TTC28: variants seen among roughly 807,000 people sequenced by gnomAD.
The protein encoded by TTC28 is tetratricopeptide repeat protein 28.
Under a neutral mutation model 198.0 loss-of-function variants are expected in TTC28, and 61 were observed. That is an observed-to-expected ratio of 0.31 (90% confidence interval 0.25 to 0.38). The LOEUF is 0.38. Ranked by LOEUF, TTC28 falls within the 10% of genes least tolerant of loss-of-function variation. The probability of loss-of-function intolerance (pLI) is 1.00; values close to 1 mark genes in which losing one functional copy is unlikely to be tolerated. For missense variants in TTC28, 2,678 were observed against 3,164.0 expected (o/e 0.85, Z 3.69); for synonymous variants, 1,171 against 1,297.8 (o/e 0.90, Z 2.10).
chr22:28,276,331 G>T (rs961078865), intron 5 of TTC28, among the ~76,000 whole-genome samples: 1 of 151,972 alleles, frequency 6.6e-6, no homozygotes, highest in African/African-American at 2.4e-5. Flanking sequence ...TTTATTATAG[G>T]AACCCTTCTT....
Position 28,108,142 on chromosome 22 carries a change from C to T in TTC28, c.1703G>A (p.Gly568Asp). Residue 568 changes from glycine (G) to aspartate (D), a missense_variant, in exon 7 of 23, where the codon GGT becomes GAT. Physicochemically the swap from Gly to Asp is moderately conservative, Grantham distance 94 (BLOSUM62 -1). Around this residue, in one of 8 missense-constraint regions of TTC28, gnomAD observed 775 missense variants for 845.9 expected, o/e 0.92. Coordinates refer to ENST00000397906, the MANE Select transcript of TTC28 (RefSeq NM_001145418.2). ...GNLAVAYQAL[G>D]AHDRALQHYQ... ...GTGTTGCAGGGCCCGGTCATGGGCA[C>T]CCAGGGCCTGGTAGGCCACGGCAAG... 3.2e-6 allele frequency: 5 copies of T among 1,551,698 alleles called. No individual in the cohort carries two copies. The African/African-American group carries it at 4.1e-5, about 13-fold the overall frequency.
chr22:28,676,920 CG>C (rs1191647454), intron 1 of TTC28, among the ~76,000 whole-genome samples: 5 of 151,062 alleles, frequency 3.3e-5, no homozygotes, highest in African/African-American at 1.2e-4. Flanking sequence ...CTTGGGAGCC[CG>C]AGGAGGGTGG....
intron 2 of TTC28, among the ~76,000 whole-genome samples, chr22:28,433,551 G>A (rs2047467377): frequency 1.3e-5 from 2 of 152,016 alleles, no homozygotes; most frequent in Non-Finnish European, 2.9e-5. Flanking sequence ...AAAAGCCTAG[G>A]CTAAAACAAG....
intron 2 of TTC28, among the ~76,000 whole-genome samples, chr22:28,572,498 AAT>A (rs1187495470): frequency 6.6e-6 from 1 of 152,230 alleles, no homozygotes; most frequent in Non-Finnish European, 1.5e-5. Context: ...AAAGTAGATG[AAT>A]ATTAAACATG....
intron 12 of TTC28, among the ~76,000 whole-genome samples, chr22:28,060,986 T>C (rs1364801312): frequency 6.6e-6 from 1 of 152,230 alleles, no homozygotes; most frequent in Non-Finnish European, 1.5e-5. Context: ...ATGAGCATTT[T>C]TTCATGTGTC....
chr22:28,397,635 T>C (rs2046838458), intron 2 of TTC28, among the ~76,000 whole-genome samples: 1 of 152,362 alleles, frequency 6.6e-6, no homozygotes, highest in African/African-American at 2.4e-5. Context: ...GATTTGTTAG[T>C]GCTGTTTTGA....
intron 1 of TTC28, among the ~76,000 whole-genome samples, chr22:28,653,268 C>T (rs1315740997): frequency 6.6e-6 from 1 of 152,114 alleles, no homozygotes; most frequent in Non-Finnish European, 1.5e-5. Context: ...CTTTGGGAGG[C>T]CAAGGCAGGT....
chr22:28,395,352 A>C (rs1280613407), intron 2 of TTC28, among the ~76,000 whole-genome samples: 1 of 151,990 alleles, frequency 6.6e-6, no homozygotes, highest in Non-Finnish European at 1.5e-5. Flanking sequence ...CAGGGAGACA[A>C]GTGTGGTACT....
intron 12 of TTC28, among the ~76,000 whole-genome samples, chr22:28,088,898 A>C (rs1941717209): frequency 6.6e-6 from 1 of 152,264 alleles, no homozygotes; most frequent in South Asian, 2.1e-4. Flanking sequence ...ATGCAGCCAA[A>C]ACACACGTGA....
At chr22:28,110,996 G>A (rs1334361808) in intron 6 of TTC28, among the ~76,000 whole-genome samples, 1 of 151,520 alleles carries the variant, frequency 6.6e-6, no homozygotes, top group Non-Finnish European at 1.5e-5. Context: ...TATATTAAGG[G>A]GATATATGAT....
chr22:28,114,275 A>G (rs531207984), intron 6 of TTC28, among the ~76,000 whole-genome samples: 1 of 152,328 alleles, frequency 6.6e-6, no homozygotes, highest in Non-Finnish European at 1.5e-5. Flanking sequence ...CAGGTTTTCC[A>G]TAGGACCCAT....
At chr22:28,517,717 A>T (rs2048818446) in intron 2 of TTC28, among the ~76,000 whole-genome samples, 3 of 152,334 alleles carry the variant, frequency 2.0e-5, no homozygotes, top group Admixed American at 1.3e-4. Flanking sequence ...CCCAACTGAA[A>T]AAACTTCATA....
At chr22:28,228,410 A>G (rs1370787780) in intron 5 of TTC28, among the ~76,000 whole-genome samples, 1 of 152,232 alleles carries the variant, frequency 6.6e-6, no homozygotes, top group Non-Finnish European at 1.5e-5. Flanking sequence ...TTTTAAAAAT[A>G]CATGTTTGGC....
chr22:28,237,059 T>G (rs1279253449), intron 5 of TTC28, among the ~76,000 whole-genome samples: 1 of 152,174 alleles, frequency 6.6e-6, no homozygotes, highest in Non-Finnish European at 1.5e-5. Flanking sequence ...TTATCCTGCC[T>G]TCTTCTGGAT....
intron 17 of TTC28, among the ~76,000 whole-genome samples, chr22:27,994,179 C>T (rs575430820): frequency 3.6e-4 from 55 of 152,202 alleles, no homozygotes; most frequent in Non-Finnish European, 7.2e-4. Context: ...CGTGGTGGCT[C>T]ACGCCTGTAA....
At chr22:28,259,387 G>A (rs1249937164) in intron 5 of TTC28, among the ~76,000 whole-genome samples, 1 of 152,074 alleles carries the variant, frequency 6.6e-6, no homozygotes, top group African/African-American at 2.4e-5. Flanking sequence ...TCACTTCTAA[G>A]TAAAACAACA....
chr22:28,299,239 A>G (rs2044964516), intron 3 of TTC28, among the ~76,000 whole-genome samples: 1 of 148,426 alleles, frequency 6.7e-6, no homozygotes, highest in African/African-American at 2.5e-5. Context: ...CACTATGCAC[A>G]TGTAAAAAAA....
intron 12 of TTC28, among the ~76,000 whole-genome samples, chr22:28,055,328 A>C (rs186763395): frequency 2.6e-5 from 4 of 152,284 alleles, no homozygotes; most frequent in African/African-American, 9.6e-5. Context: ...GATTAGTGGA[A>C]GAGCAAGATT....
In TTC28 at chr22:28,386,274, C is replaced by CAACAAA. The variant is rs1450364889; in HGVS notation, c.382-79632_382-79631insTTTGTT. On this transcript the variant is annotated intron_variant, in intron 2 of 22. Coordinates refer to ENST00000397906, the MANE Select transcript of TTC28 (RefSeq NM_001145418.2). ...TGGGCGACAGAGCGAGACTCCGTCT[C>CAACAAA]AAAAAAAAAAAAAAAAAAAAAAAAA... Among the ~76,000 whole-genome samples the CAACAAA allele has an allele frequency of 1.1e-4, 6 of 52,236 alleles. 1 individual carries two copies. In the East Asian group the frequency reaches 7.1e-3, roughly 62 times the overall value. 34.3% of individuals were successfully genotyped at this position (52,236 alleles called of 152,430 possible). A position where few individuals can be genotyped will look rare whatever the true frequency, so the allele number is the denominator to read the frequency against.
Sources: gnomAD v4.1 joint callset for allele counts (sites outside exome capture counted in the v4.1 genomes callset) on GRCh38, gnomAD v4.1.1 for gene constraint, gnomAD v4.1.1 regional missense constraint, MANE v1.5 for transcripts, NCBI Gene and HGNC (gene_info 2026-07-23, HGNC 2026-07-21) for gene names.